The following ZFHX4 variants were observed in gnomAD, a reference collection of about 807,000 sequenced individuals.
ZFHX4 encodes zinc finger homeobox protein 4.
Under a neutral mutation model 267.6 loss-of-function variants are expected in ZFHX4, and 56 were observed. The ratio of observed to expected loss-of-function variants is 0.21; its 90% CI spans 0.17 to 0.26. The LOEUF is 0.26. Among genes scored for constraint, ZFHX4 ranks in the 10% least tolerant of loss-of-function variants. ZFHX4 has a pLI of 1.00. For missense variants in ZFHX4, 4,332 were observed against 4,420.0 expected, an observed-to-expected ratio of 0.98 and a Z score of 0.56; for synonymous variants, 1,778 against 1,665.6, an observed-to-expected ratio of 1.07 and a Z score of -1.64.
At chr8:76,849,894 T>A (rs1812466268) in intron 8 of ZFHX4, 182 bp downstream of exon 8, 1 of 658,342 alleles carries the variant, frequency 1.5e-6, no homozygotes, top group Non-Finnish European at 2.6e-6. Context: ...TGGAAAAAAA[T>A]ATGGTACAAG....
chr8:76,756,635 A>G (rs1406544718), intron 3 of ZFHX4, among the ~76,000 whole-genome samples: 2 of 151,918 alleles, frequency 1.3e-5, no homozygotes, highest in Non-Finnish European at 2.9e-5. Context: ...TTTCTCAATC[A>G]TTTCGTCAAA....
At chr8:76,816,655 GCAC>G (rs1811514578) in intron 4 of ZFHX4, among the ~76,000 whole-genome samples, 1 of 149,756 alleles carries the variant, frequency 6.7e-6, no homozygotes, top group Admixed American at 6.6e-5. Flanking sequence ...GAGTGCAGTG[GCAC>G]GAACTCGGCT....
intron 3 of ZFHX4, among the ~76,000 whole-genome samples, chr8:76,728,387 C>A (rs1808911374): frequency 6.6e-6 from 1 of 152,150 alleles, no homozygotes; most frequent in Non-Finnish European, 1.5e-5. Context: ...CACTGGTTTC[C>A]AATATCTTCC....
chr8:76,682,321 G>T (rs1428643341), intron 1 of ZFHX4, among the ~76,000 whole-genome samples: 3 of 152,228 alleles, frequency 2.0e-5, no homozygotes, highest in Non-Finnish European at 4.4e-5. Context: ...GTTCCCCGAA[G>T]GTCGCTTAGT....
chr8:76,859,632 A>T (rs1812817186), intron 10 of ZFHX4, among the ~76,000 whole-genome samples: 1 of 152,130 alleles, frequency 6.6e-6, no homozygotes, highest in South Asian at 2.1e-4. Flanking sequence ...GCCTAAGCTG[A>T]TTTCCTTAAA....
In ZFHX4 at chr8:76,852,940, C is replaced by T; in HGVS notation, c.6019C>T (p.Pro2007Ser). 2 of 1,579,734 alleles carry T rather than the reference C, an allele frequency of 1.3e-6. No homozygotes were observed. The highest frequency in any genetic ancestry group is 1.7e-6 in the Non-Finnish European group (2 of 1,161,802). The change falls in exon 10 of 11, where the codon CCT (proline) becomes TCT (serine). Residue 2007 changes from proline to serine, a missense_variant. Transcript: ENST00000651372. ...TTCTCCAGAAACGCCGCCCCCGCCA[C>T]CTCCTCCTCCTCCCTTGCCTCCGGC... Reference protein sequence around the residue: ...PSSPETPPPPPPPPPLPPAPP... With the variant: ...PSSPETPPPPSPPPPLPPAPP...
chr8:76,746,842 T>A (rs550855463), intron 3 of ZFHX4, among the ~76,000 whole-genome samples: 64 of 152,268 alleles, frequency 4.2e-4, no homozygotes, highest in African/African-American at 1.2e-3. Flanking sequence ...TACAGTCATT[T>A]CACCCTGCTG....
Position 76,856,156 on chromosome 8 carries a change from C to T in ZFHX4, c.9235C>T (p.Gln3079Ter). The T allele has an allele frequency of 1.2e-6, 2 of 1,614,012 alleles. No individual in the cohort carries two copies. Among genetic ancestry groups the T allele is most frequent in the Non-Finnish European group, 1.7e-6 (2 of 1,179,870 alleles). The change falls in exon 10 of 11, where the codon CAG becomes TAG. Residue 3079 changes from glutamine (Q) to a stop codon, truncating the protein, a stop_gained. Coordinates refer to ENST00000651372, the MANE Select transcript of ZFHX4 (RefSeq NM_024721.5). LOFTEE classifies it high-confidence loss of function. The stretch of plus-strand genomic sequence containing the variant: ...TTCAGACGTGCTGGGCTTGACGGTA[C>T]AGCAGCCAGGCATGATGGACAGCAG... ...KASDVLGLTV[Q>*]QPGMMDSSSL...
At chr8:76,821,580 C>T (rs1412029587) in intron 4 of ZFHX4, among the ~76,000 whole-genome samples, 1 of 150,638 alleles carries the variant, frequency 6.6e-6, no homozygotes, top group Non-Finnish European at 1.5e-5. Flanking sequence ...TTGGTTTTCT[C>T]CTACCTCATT....
intron 3 of ZFHX4, among the ~76,000 whole-genome samples, chr8:76,756,169 C>A (rs1809756568): frequency 6.6e-6 from 1 of 152,158 alleles, no homozygotes; most frequent in African/African-American, 2.4e-5. Context: ...GGGACGTCGT[C>A]ATGTCATTTT....
At chr8:76,816,337 A>C (rs187323163) in intron 4 of ZFHX4, among the ~76,000 whole-genome samples, 1 of 152,304 alleles carries the variant, frequency 6.6e-6, no homozygotes, top group Admixed American at 6.5e-5. Flanking sequence ...GATAAGATAC[A>C]TATTGCACTG....
intron 10 of ZFHX4, among the ~76,000 whole-genome samples, chr8:76,858,178 C>A (rs1812780096): frequency 2.0e-5 from 3 of 152,124 alleles, no homozygotes; most frequent in Admixed American, 2.0e-4. Context: ...TATGGGCGCC[C>A]AGAGGGCCTA....
intron 4 of ZFHX4, among the ~76,000 whole-genome samples, chr8:76,806,411 G>T (rs1811246882): frequency 6.6e-6 from 1 of 152,092 alleles, no homozygotes. Flanking sequence ...TGTGAGAAAG[G>T]TAGGCTCTAT....
chr8:76,717,006 C>A (rs985820813), intron 3 of ZFHX4, among the ~76,000 whole-genome samples: 4 of 152,060 alleles, frequency 2.6e-5, no homozygotes, highest in Admixed American at 6.6e-5. Context: ...CCCTGCTGAC[C>A]TGAAAGAGGG....
chr8:76,731,708 T>C (rs868170452), intron 3 of ZFHX4, among the ~76,000 whole-genome samples: 44 of 152,092 alleles, frequency 2.9e-4, no homozygotes, highest in African/African-American at 9.9e-4. Context: ...CAATATTCTA[T>C]CAATATATAA....
rs192102407 is a variant in ZFHX4, at chr8:76,785,868, G to A, written c.3325+7429G>A. ...GAATGTTCTCTACTTTCTTTGTATG[G>A]ATCTTTTGCCAATAAACTGGTTATC... On this transcript the variant is annotated intron_variant, in intron 4 of 10. Transcript: ENST00000651372. Among the ~76,000 whole-genome samples the A allele has an allele frequency of 4.2e-3, 645 of 152,188 alleles. 8 individuals carry two copies. Among genetic ancestry groups the A allele is most frequent in the African/African-American group, 0.015 (605 of 41,538 alleles).
chr8:76,714,408 C>T (rs17435421), intron 3 of ZFHX4, among the ~76,000 whole-genome samples: 4,989 of 152,260 alleles, frequency 0.033, 112 homozygotes, highest in Non-Finnish European at 0.046. Context: ...CTGAACTTTG[C>T]TGGAAATGTT....
rs1371815962 is a variant in ZFHX4 at position 76,856,253 on chromosome 8, G to C, written c.9332G>C (p.Gly3111Ala). Residue 3111 changes from glycine to alanine, a missense_variant, in exon 10 of 11, where the codon GGA becomes GCA. Coordinates refer to ENST00000651372, the MANE Select transcript of ZFHX4 (RefSeq NM_024721.5). Reference protein sequence around the residue: ...LPGLPPVLLPGMNGPSSLPGF... With the variant: ...LPGLPPVLLPAMNGPSSLPGF... ...GGCCTTCCTCCAGTCCTTCTCCCCG[G>C]AATGAACGGTCCATCCTCCTTGCCG... is the stretch of plus-strand genomic sequence containing the variant. 1 of 1,613,868 alleles carries C rather than the reference G, an allele frequency of 6.2e-7. No individual in the cohort carries two copies. Among genetic ancestry groups the C allele is most frequent in the South Asian group, 1.1e-5 (1 of 91,080 alleles).
rs746216359 is a variant in ZFHX4 at position 76,705,251 on chromosome 8, C to A, written c.1163C>A (p.Thr388Asn). ...GCCTTCTTAAAAGGAAGCGCGAGCACCTCGAGCTCAGCAGAGCAGCCGCTG... is the reference window on the plus strand; with the variant it reads ...GCCTTCTTAAAAGGAAGCGCGAGCAACTCGAGCTCAGCAGAGCAGCCGCTG... ...GFAFLKGSAS[T>N]SSSAEQPLGI... Residue 388 changes from threonine to asparagine, a missense_variant, in exon 2 of 11, where the codon ACC (threonine) becomes AAC (asparagine). Around this residue, in one of 7 missense-constraint regions of ZFHX4, gnomAD observed 1,195 missense variants for 1,173.6 expected, o/e 1.02. Coordinates refer to ENST00000651372, the MANE Select transcript of ZFHX4 (RefSeq NM_024721.5). The A allele has an allele frequency of 6.2e-7, 1 of 1,614,038 alleles. No homozygotes were observed. The highest frequency in any genetic ancestry group is 1.7e-5 in the Admixed American group (1 of 60,028).
Sources: gnomAD v4.1 joint callset for allele counts (sites outside exome capture counted in the v4.1 genomes callset) on GRCh38, gnomAD v4.1.1 for gene constraint, gnomAD v4.1.1 regional missense constraint, MANE v1.5 for transcripts, NCBI Gene and HGNC (gene_info 2026-07-23, HGNC 2026-07-21) for gene names.